ANKRD42: variants seen among roughly 807,000 people sequenced by gnomAD.
The protein encoded by ANKRD42 is ankyrin repeat domain 42.
A neutral mutation model predicts 51.5 loss-of-function variants in ANKRD42; 43 were observed. The observed-to-expected ratio is 0.83, with a 90% CI of 0.65 to 1.08. ANKRD42 has a LOEUF of 1.08. ANKRD42 is among the 50% of genes least tolerant of loss of function. The probability of loss-of-function intolerance (pLI) is 0.00; values close to 1 mark genes in which losing one functional copy is unlikely to be tolerated. For missense variants in ANKRD42, 608 were observed against 629.3 expected (o/e 0.97, Z 0.36); for synonymous variants, 203 against 213.0 (o/e 0.95, Z 0.41).
intron 5 of ANKRD42, chr11:83,212,630 GATCAA>G: frequency 4.0e-6 from 6 of 1,518,168 alleles, no homozygotes; most frequent in Non-Finnish European, 5.3e-6. Flanking sequence ...GAACAGGCCT[GATCAA>G]ATCACTTTGC....
intron 5 of ANKRD42, among the ~76,000 whole-genome samples, chr11:83,212,470 T>G (rs1446665264): frequency 2.0e-5 from 3 of 152,222 alleles, no homozygotes; most frequent in Non-Finnish European, 2.9e-5. Flanking sequence ...TAACCTACAG[T>G]AAAGTGGCCA....
At chr11:83,261,872 TC>T, downstream of ANKRD42, 1 of 1,482,120 alleles carries the variant, frequency 6.7e-7, no homozygotes, top group Non-Finnish European at 9.3e-7. Context: ...GGTTTGGTGT[TC>T]TAAGAAGCCA....
chr11:83,240,898 T>TTA lies in ANKRD42; in HGVS notation c.1161_1162dup (p.Cys388TyrfsTer3). The TTA allele has an allele frequency of 6.2e-7, 1 of 1,614,000 alleles. No individual in the cohort carries two copies. The highest frequency in any genetic ancestry group is 1.7e-5 in the Admixed American group (1 of 60,014). On this transcript the variant is annotated frameshift_variant, in exon 9 of 11. Transcript: ENST00000533342. LOFTEE classifies it high-confidence loss of function. ...GGGAAGCACTGATGCCAAGGATGATTTATGTCTGAGTGACTTGGATAAAAC... is the reference window on the plus strand; with the variant it reads ...GGGAAGCACTGATGCCAAGGATGATTTATATGTCTGAGTGACTTGGATAAAAC...
At chr11:83,243,922 G>T (rs1180823764) in intron 9 of ANKRD42, among the ~76,000 whole-genome samples, 5 of 143,820 alleles carry the variant, frequency 3.5e-5, no homozygotes, top group Non-Finnish European at 7.5e-5. Context: ...CCTCGGCCTC[G>T]CAAAGTGCTG....
At chr11:83,239,195 A>G (rs1418043617) in intron 8 of ANKRD42, among the ~76,000 whole-genome samples, 1 of 152,192 alleles carries the variant, frequency 6.6e-6, no homozygotes, top group Non-Finnish European at 1.5e-5. Context: ...TTAAATATAC[A>G]TACTTGCCAT....
In ANKRD42 at chr11:83,248,334, C is replaced by T. The variant is rs555297654; in HGVS notation, c.*130C>T. 1.2e-4 allele frequency: 154 copies of T among 1,276,162 alleles called. 6 individuals are homozygous for T. Among genetic ancestry groups the T allele is most frequent in the East Asian group, 1.1e-3 (39 of 34,074 alleles). The allele number at this position is 1,276,162 out of a possible 1,614,324, so 79.1% of individuals were successfully genotyped here. The stretch of plus-strand genomic sequence containing the variant: ...ACACACACACACACACACACACACA[C>T]ACTCTATATGTAACTATAACTTTCT... On this transcript the variant is annotated 3_prime_UTR_variant, in exon 11 of 11. Coordinates refer to ENST00000533342, the MANE Select transcript of ANKRD42 (RefSeq NM_001300975.2).
In ANKRD42 at chr11:83,210,431, C is replaced by T; in HGVS notation, c.450+12C>T. ...TCCGAAGTGGAGTGGTGAGTGACTC[C>T]TGTTAATATGTGCTAATGTGTGATA... On this transcript the variant is annotated intron_variant, in intron 4 of 10. Transcript: ENST00000533342. The T allele has an allele frequency of 6.2e-7, 1 of 1,613,418 alleles. No homozygotes were observed. Among genetic ancestry groups the T allele is most frequent in the Non-Finnish European group, 8.5e-7 (1 of 1,179,566 alleles).
At chr11:83,225,145 T>G in intron 6 of ANKRD42, 90 bp downstream of exon 6, 2 of 1,172,650 alleles carry the variant, frequency 1.7e-6, no homozygotes, top group Non-Finnish European at 2.4e-6. Flanking sequence ...TAGGAAAAGA[T>G]ATAAGGCAAA....
chr11:83,214,399 G>T, intron 5 of ANKRD42: 1 of 980,098 alleles, frequency 1.0e-6, no homozygotes, highest in Non-Finnish European at 1.2e-6. Context: ...TTTTTGTATT[G>T]TCCTTTATCA....
At chr11:83,205,479 A>T (rs541550324) in intron 2 of ANKRD42, among the ~76,000 whole-genome samples, 1 of 152,250 alleles carries the variant, frequency 6.6e-6, no homozygotes, top group South Asian at 2.1e-4. Flanking sequence ...ACATATAAAG[A>T]CAGTAACACC....
chr11:83,263,107 A>T (rs1440614110), downstream of ANKRD42, among the ~76,000 whole-genome samples: 1 of 152,178 alleles, frequency 6.6e-6, no homozygotes, highest in Non-Finnish European at 1.5e-5. Context: ...CTTAATAAAA[A>T]AACACACACA....
chr11:83,213,406 C>G (rs1164220727), intron 5 of ANKRD42: 4 of 1,564,420 alleles, frequency 2.6e-6, no homozygotes, highest in East Asian at 2.3e-5. Flanking sequence ...AATGAATAGA[C>G]AGCTCATGTG....
chr11:83,247,685 T>C (rs540278722), intron 10 of ANKRD42, among the ~76,000 whole-genome samples: 5 of 152,356 alleles, frequency 3.3e-5, no homozygotes, highest in African/African-American at 1.2e-4. Flanking sequence ...ATTTTACTTA[T>C]TTATTTTCCT....
chr11:83,225,034 A>T lies in ANKRD42; in HGVS notation c.766A>T (p.Lys256Ter). Residue 256 changes from lysine to a stop codon, truncating the protein, a stop_gained, in exon 6 of 11, where the codon AAA becomes TAA. Transcript: ENST00000533342. LOFTEE classifies it high-confidence loss of function. ...QFIQGAEYEG[K>*]DLEDQETLAF... ...TATCCAGGGGGCTGAGTATGAAGGA[A>T]AAGACCTAGAGGATCAGGAAAGTAA... The T allele has an allele frequency of 1.9e-6, 3 of 1,612,790 alleles. No individual in the cohort carries two copies. Among genetic ancestry groups the T allele is most frequent in the Non-Finnish European group, 2.5e-6 (3 of 1,179,088 alleles).
Position 83,200,372 on chromosome 11 carries a change from T to A in ANKRD42, c.222+1730T>A, listed in dbSNP as rs11233522. Among the ~76,000 whole-genome samples, 821 of 152,352 alleles carry A rather than the reference T, an allele frequency of 5.4e-3. 4 individuals are homozygous for A. Among genetic ancestry groups the A allele is most frequent in the Non-Finnish European group, 7.4e-3 (501 of 68,034 alleles). ...TCATTTATTTGCTCTCTCTCCTGAC[T>A]TTTGGATTATGTATTAAGTGCTTGA... is the stretch of plus-strand genomic sequence containing the variant. On this transcript the variant is annotated intron_variant, in intron 2 of 10. Transcript: ENST00000533342.
intron 4 of ANKRD42, 109 bp downstream of exon 4, chr11:83,210,528 G>T: frequency 7.7e-7 from 1 of 1,296,318 alleles, no homozygotes; most frequent in Non-Finnish European, 1.0e-6. Context: ...TATGACTTTG[G>T]GAAACTAATT....
At chr11:83,234,323 A>G (rs1358175687) in intron 7 of ANKRD42, among the ~76,000 whole-genome samples, 1 of 152,128 alleles carries the variant, frequency 6.6e-6, no homozygotes, top group Non-Finnish European at 1.5e-5. Flanking sequence ...AATTTCATTT[A>G]GTAGATAAGC....
chr11:83,216,567 G>A (rs1031493734), intron 5 of ANKRD42, among the ~76,000 whole-genome samples: 3 of 151,350 alleles, frequency 2.0e-5, no homozygotes, highest in Non-Finnish European at 3.0e-5. Flanking sequence ...CTCGTGGTCC[G>A]CCCGCCTCGG....
chr11:83,254,430 C>CTTTTT lies in ANKRD42; in HGVS notation c.1465-1411_1465-1410insTTTTT, dbSNP rs778427623. Among the ~76,000 whole-genome samples, 19 of 130,428 alleles carry CTTTTT rather than the reference C, an allele frequency of 1.5e-4. 3 individuals are homozygous for CTTTTT. The highest frequency in any genetic ancestry group is 1.8e-4 in the African/African-American group (6 of 33,652). The allele number at this position is 130,428 out of a possible 152,430, so 85.6% of individuals were successfully genotyped here. On this transcript the variant is annotated intron_variant, in intron 11 of 11. Transcript: ENST00000260047. The stretch of plus-strand genomic sequence containing the variant: ...CCCCACCTGAGTGTTTTTCTTTTTT[C>CTTTTT]TTTTCTTTTTTTTTTTTTTGAGACA...
Sources: allele counts gnomAD v4.1 joint callset (sites outside exome capture counted in the v4.1 genomes callset), GRCh38; gene constraint gnomAD v4.1.1; transcripts MANE v1.5; gene names NCBI Gene and HGNC (gene_info 2026-07-23, HGNC 2026-07-21).